The following ITGB2 variants were observed in gnomAD, a reference collection of about 807,000 sequenced individuals.
The protein encoded by ITGB2 is integrin subunit beta 2, also known as integrin beta-2.
Under a neutral mutation model 86.8 loss-of-function variants are expected in ITGB2, and 56 were observed. The ratio of observed to expected loss-of-function variants is 0.65; its 90% CI spans 0.52 to 0.81. ITGB2 has a LOEUF of 0.81. ITGB2 is among the 30% of genes least tolerant of loss of function. The pLI is 0.00. For missense variants in ITGB2, 948 were observed against 1,061.2 expected (o/e 0.89, Z 1.48); for synonymous variants, 457 against 450.4 (o/e 1.01, Z -0.19).
At chr21:44,926,131 AAATTAATTAATT>A (rs1157666541) in intron 1 of ITGB2, among the ~76,000 whole-genome samples, 2 of 150,354 alleles carry the variant, frequency 1.3e-5, no homozygotes, top group South Asian at 2.1e-4. Flanking sequence ...ATAAATAAAT[AAATTAATTAATT>A]AATTAAATAA....
chr21:44,902,055 C>T (rs1468221994), intron 5 of ITGB2, among the ~76,000 whole-genome samples: 3 of 152,202 alleles, frequency 2.0e-5, no homozygotes, highest in Non-Finnish European at 4.4e-5. Context: ...TCTGTGTGTG[C>T]AGCCATCTGC....
chr21:44,899,049 G>C lies in ITGB2; in HGVS notation c.993+18C>G, dbSNP rs750678322. 8 of 1,595,642 alleles carry C rather than the reference G, an allele frequency of 5.0e-6. No individual in the cohort carries two copies. The highest frequency in any genetic ancestry group is 6.9e-6 in the Non-Finnish European group (8 of 1,163,506). On this transcript the variant is annotated intron_variant, in intron 8 of 15. Transcript: ENST00000652462. The stretch of plus-strand genomic sequence containing the variant: ...CATGCCCCCACCCAATGGATGCTCG[G>C]GACCCAACAGCACTCACCTCGTAGG...
chr21:44,892,995 C>T, intron 10 of ITGB2: 1 of 244,260 alleles, frequency 4.1e-6, no homozygotes, highest in South Asian at 4.6e-5. Flanking sequence ...ATCCCTCAGT[C>T]TGCAGTGGCC....
intron 10 of ITGB2, chr21:44,893,153 C>T (rs1021317208): frequency 3.1e-5 from 14 of 451,776 alleles, no homozygotes; most frequent in African/African-American, 6.0e-5. Flanking sequence ...ACAAGGAAAG[C>T]GTCTGGCCTC....
chr21:44,916,763 G>C (rs1423174334), intron 1 of ITGB2, among the ~76,000 whole-genome samples: 1 of 151,854 alleles, frequency 6.6e-6, no homozygotes, highest in Non-Finnish European at 1.5e-5. Flanking sequence ...AGCTACTCGC[G>C]AGGCTGAGGC....
At chr21:44,928,668 T>C (rs1313788514) in exon 1 of ITGB2, 1 of 163,260 alleles carries the variant, frequency 6.1e-6, no homozygotes, top group Non-Finnish European at 1.3e-5. Context: ...ACTGAGGCTC[T>C]GCCCTGGACT....
chr21:44,893,576 G>A lies in ITGB2; in HGVS notation c.1084-32C>T, dbSNP rs192832457. The A allele has an allele frequency of 4.5e-5, 73 of 1,612,370 alleles. 1 individual carries two copies. The African/African-American group carries it at 4.5e-4, about 10-fold the overall frequency. On this transcript the variant is annotated intron_variant, in intron 9 of 15. Transcript: ENST00000652462. Reference sequence around the variant, plus strand: ...GCAGAGAGCGGTTACTCTTGGGGGCGAGTGTTTCTGTTGTCCTGGCCCTGC... The same window carrying A: ...GCAGAGAGCGGTTACTCTTGGGGGCAAGTGTTTCTGTTGTCCTGGCCCTGC...
chr21:44,911,883 G>T (rs991661089), intron 1 of ITGB2, among the ~76,000 whole-genome samples: 2 of 152,138 alleles, frequency 1.3e-5, no homozygotes, highest in African/African-American at 4.8e-5. Flanking sequence ...ACCAGGCCTA[G>T]GTCGGCTCCT....
rs11559270 is a variant in ITGB2 at position 44,886,195 on chromosome 21, C to G, written c.*173G>C. On this transcript the variant is annotated 3_prime_UTR_variant, in exon 16 of 16. Coordinates refer to ENST00000652462, the MANE Select transcript of ITGB2 (RefSeq NM_000211.5). Reference sequence around the variant, plus strand: ...GTGCCAGTCAGAGTGGAGCTGTCCCCCCGACGAGCCCCCAGAAGCACCCGG... The same window carrying G: ...GTGCCAGTCAGAGTGGAGCTGTCCCGCCGACGAGCCCCCAGAAGCACCCGG... The G allele has an allele frequency of 8.9e-6, 6 of 670,490 alleles. No individual in the cohort carries two copies. Among genetic ancestry groups the G allele is most frequent in the Non-Finnish European group, 1.6e-5 (6 of 369,020 alleles). 41.5% of individuals were successfully genotyped at this position (670,490 alleles called of 1,614,324 possible).
chr21:44,923,998 T>C (rs1410533530), upstream of ITGB2, among the ~76,000 whole-genome samples: 2 of 151,620 alleles, frequency 1.3e-5, no homozygotes, highest in African/African-American at 4.9e-5. Flanking sequence ...CCAATGAGAG[T>C]CAGAATCCAC....
rs766387722 is a variant in ITGB2, at chr21:44,893,497, G to A, written c.1131C>T (p.Thr377=). 8.1e-6 allele frequency: 13 copies of A among 1,614,052 alleles called. No homozygotes were observed. The highest frequency in any genetic ancestry group is 1.0e-5 in the Non-Finnish European group (12 of 1,180,018). ...AGAAGGAGTCGTAGGTGACTTTCAG[G>A]GTGTCGGGGAGGGCGTTGTGATCCA... is the stretch of plus-strand genomic sequence containing the variant. ...VFLDHNALPD[T]LKVTYDSFCS... The change falls in exon 10 of 16, where the codon ACC becomes ACT. Residue 377 remains threonine (T), a synonymous_variant. Transcript: ENST00000652462.
At position 44,901,744 on chromosome 21, in the gene ITGB2, C is replaced by G. The variant is rs55865320; in HGVS notation, c.500-11G>C. ...CGAAGGACCCGAAGCCTGCAGGGCA[C>G]ATGGAGGGGCTGGGGAGGTGGCAGG... On this transcript the variant is annotated splice_polypyrimidine_tract_variant and intron_variant, in intron 5 of 15. Transcript: ENST00000652462. 4 of 1,603,872 alleles carry G rather than the reference C, an allele frequency of 2.5e-6. No homozygotes were observed. In the East Asian group the frequency reaches 9.0e-5, roughly 36 times the overall value.
At chr21:44,887,120 G>C (rs1355789182) in intron 14 of ITGB2, among the ~76,000 whole-genome samples, 1 of 152,168 alleles carries the variant, frequency 6.6e-6, no homozygotes, top group African/African-American at 2.4e-5. Context: ...TGAAACCTAA[G>C]GGCCATTGCC....
At position 44,888,830 on chromosome 21, in the gene ITGB2, G is replaced by A. The variant is rs373963624; in HGVS notation, c.1943C>T (p.Pro648Leu). ...PFGKNCSAAC[P>L]GLQLSNNPVK... Reference sequence around the variant, plus strand: ...GGGGTTGTTCGACAGCTGCAGGCCCGGACACGCCGCGCTGCAGTTCTTCCC... The same window carrying A: ...GGGGTTGTTCGACAGCTGCAGGCCCAGACACGCCGCGCTGCAGTTCTTCCC... The change falls in exon 14 of 16, where the codon CCG (proline) becomes CTG (leucine). Residue 648 changes from proline to leucine, a missense_variant. Pro to Leu is a moderately conservative substitution (Grantham distance 98, BLOSUM62 -3). Transcript: ENST00000652462. The A allele has an allele frequency of 8.1e-5, 131 of 1,610,688 alleles. No individual in the cohort carries two copies. The highest frequency in any genetic ancestry group is 4.5e-4 in the Admixed American group (27 of 60,008).
At chr21:44,920,519 G>A (rs893461191) in intron 1 of ITGB2, among the ~76,000 whole-genome samples, 3 of 152,156 alleles carry the variant, frequency 2.0e-5, no homozygotes, top group Admixed American at 1.3e-4. Flanking sequence ...TCCCCCTAGG[G>A]GCTTGTGGGC....
In ITGB2 at chr21:44,907,052, G is replaced by T. The variant is rs752669322; in HGVS notation, c.191C>A (p.Thr64Asn). The T allele has an allele frequency of 6.2e-7, 1 of 1,611,862 alleles. No individual in the cohort carries two copies. Among genetic ancestry groups the T allele is most frequent in the Non-Finnish European group, 8.5e-7 (1 of 1,178,268 alleles). Reference sequence around the variant, plus strand: ...GCCCCTCATGAGCAGCTGTGGCCGGGTGTCGCAGCGAATGGAGTCAGGATC... The same window carrying T: ...GCCCCTCATGAGCAGCTGTGGCCGGTTGTCGCAGCGAATGGAGTCAGGATC... ...PGDPDSIRCD[T>N]RPQLLMRGCA... Residue 64 changes from threonine to asparagine, a missense_variant, in exon 4 of 16, where the codon ACC becomes AAC. Transcript: ENST00000652462.
chr21:44,888,987 G>A (rs2083742337), intron 13 of ITGB2, 92 bp from the exon 14 acceptor site: 6 of 1,200,154 alleles, frequency 5.0e-6, no homozygotes, highest in Non-Finnish European at 7.1e-6. Flanking sequence ...ACCAGGGGGG[G>A]CAGGTGGGGT....
Position 44,892,675 on chromosome 21 carries a change from TC to T in ITGB2, c.1225-680del, listed in dbSNP as rs1283316346. ...AAACATGTTTGAAGGAATTCCAAAG[TC>T]ATATTAAGAAAATGCAATGAAAGCA... is the stretch of plus-strand genomic sequence containing the variant. On this transcript the variant is annotated intron_variant, in intron 10 of 15. Transcript: ENST00000652462. Among the ~76,000 whole-genome samples, 54 of 142,422 alleles carry T rather than the reference TC, an allele frequency of 3.8e-4. 1 individual carries two copies. The highest frequency in any genetic ancestry group is 3.6e-3 in the Admixed American group (52 of 14,396). 93.4% of individuals were successfully genotyped at this position (142,422 alleles called of 152,430 possible).
chr21:44,904,878 A>G (rs971816096), intron 4 of ITGB2, among the ~76,000 whole-genome samples: 1 of 151,812 alleles, frequency 6.6e-6, no homozygotes, highest in East Asian at 1.9e-4. Flanking sequence ...ACACACACTC[A>G]CCCACATTCA....
Sources: gnomAD v4.1 joint callset for allele counts (sites outside exome capture counted in the v4.1 genomes callset) on GRCh38, gnomAD v4.1.1 for gene constraint, MANE v1.5 for transcripts, NCBI Gene and HGNC (gene_info 2026-07-23, HGNC 2026-07-21) for gene names.